The following TRPS1 variants were observed in gnomAD, a reference collection of about 807,000 sequenced individuals.
TRPS1 encodes zinc finger transcription factor Trps1.
A neutral mutation model predicts 101.2 loss-of-function variants in TRPS1; 6 were observed. The observed-to-expected ratio is 0.06, with a 90% CI of 0.03 to 0.12. The LOEUF is 0.12. Among genes scored for constraint, TRPS1 ranks in the 10% least tolerant of loss-of-function variants. The pLI is 1.00. For synonymous variants in TRPS1, 578 were observed against 589.8 expected (o/e 0.98, Z 0.29); for missense variants, 1,363 against 1,567.0 (o/e 0.87, Z 2.20).
chr8:115,596,661 CATAT>C (rs888512691), intron 4 of TRPS1, among the ~76,000 whole-genome samples: 45 of 151,478 alleles, frequency 3.0e-4, no homozygotes, highest in Admixed American at 8.5e-4. Context: ...GTATCATATA[CATAT>C]ATACTTATAT....
intron 5 of TRPS1, among the ~76,000 whole-genome samples, chr8:115,450,776 TA>T (rs1203622933): frequency 6.6e-6 from 1 of 152,160 alleles, no homozygotes; most frequent in African/African-American, 2.4e-5. Context: ...TCTTCCTCAA[TA>T]AAAACAAATT....
chr8:115,664,822 C>T (rs1811884747), intron 1 of TRPS1, among the ~76,000 whole-genome samples: 1 of 152,138 alleles, frequency 6.6e-6, no homozygotes, highest in Non-Finnish European at 1.5e-5. Context: ...ACCACACTAG[C>T]TGTCCTGCGG....
intron 5 of TRPS1, among the ~76,000 whole-genome samples, chr8:115,500,838 G>A (rs2130144121): frequency 6.6e-6 from 1 of 152,268 alleles, no homozygotes; most frequent in South Asian, 2.1e-4. Flanking sequence ...CTCCCAAAGT[G>A]CTAGGATTAT....
intron 1 of TRPS1, among the ~76,000 whole-genome samples, chr8:115,643,213 T>G (rs1310309163): frequency 1.3e-5 from 2 of 152,168 alleles, no homozygotes; most frequent in Non-Finnish European, 2.9e-5. Flanking sequence ...TGGGGGTGTC[T>G]ATGGCAATTT....
At chr8:115,608,417 C>A (rs1376312255) in intron 3 of TRPS1, among the ~76,000 whole-genome samples, 2 of 152,192 alleles carry the variant, frequency 1.3e-5, no homozygotes, top group African/African-American at 4.8e-5. Flanking sequence ...AAGAGGTAGA[C>A]AACATCTCTG....
intron 5 of TRPS1, among the ~76,000 whole-genome samples, chr8:115,561,040 A>G (rs542571060): frequency 1.2e-4 from 19 of 152,286 alleles, no homozygotes; most frequent in African/African-American, 4.6e-4. Flanking sequence ...GAACATTAAC[A>G]TTAATCATGG....
At chr8:115,628,531 A>T (rs1296017279) in intron 1 of TRPS1, among the ~76,000 whole-genome samples, 1 of 151,742 alleles carries the variant, frequency 6.6e-6, no homozygotes. Flanking sequence ...ATATACTTGA[A>T]AGCAACTTCT....
chr8:115,428,658 C>T (rs1330427840), intron 5 of TRPS1, among the ~76,000 whole-genome samples: 1 of 152,160 alleles, frequency 6.6e-6, no homozygotes, highest in Non-Finnish European at 1.5e-5. Flanking sequence ...GGATTAAATA[C>T]TTCACAGACT....
chr8:115,601,277 T>C (rs912743621), intron 4 of TRPS1, among the ~76,000 whole-genome samples: 1 of 152,178 alleles, frequency 6.6e-6, no homozygotes, highest in Non-Finnish European at 1.5e-5. Flanking sequence ...GTAAACAAAT[T>C]AAATTATAAA....
chr8:115,541,121 C>T (rs974600429), intron 5 of TRPS1, among the ~76,000 whole-genome samples: 15 of 152,086 alleles, frequency 9.9e-5, no homozygotes, highest in African/African-American at 2.2e-4. Flanking sequence ...TCTTGGTGAA[C>T]GTACAGGTCA....
At chr8:115,481,635 C>A (rs1213390365) in intron 5 of TRPS1, among the ~76,000 whole-genome samples, 1 of 152,104 alleles carries the variant, frequency 6.6e-6, no homozygotes, top group East Asian at 1.9e-4. Context: ...TGAAGAAGCT[C>A]CTGTCTGCTC....
intron 5 of TRPS1, among the ~76,000 whole-genome samples, chr8:115,449,168 A>G (rs1443075064): frequency 1.3e-5 from 2 of 152,200 alleles, no homozygotes; most frequent in African/African-American, 4.8e-5. Flanking sequence ...AAAATATTTC[A>G]GTTACTTTAG....
At chr8:115,533,449 T>TTTTTG (rs1563580789) in intron 5 of TRPS1, among the ~76,000 whole-genome samples, 1 of 123,322 alleles carries the variant, frequency 8.1e-6, no homozygotes, top group African/African-American at 4.1e-5. Context: ...TTTTTTTTTT[T>TTTTTG]TTTTTTTTTT....
intron 5 of TRPS1, among the ~76,000 whole-genome samples, chr8:115,539,655 T>C (rs529866538): frequency 1.3e-5 from 2 of 151,954 alleles, no homozygotes; most frequent in African/African-American, 2.4e-5. Context: ...CTGGACAACA[T>C]GGCAAAATCC....
rs139210527 is a variant in TRPS1 at position 115,429,423 on chromosome 8, T to C, written c.2701-10971A>G. ...CACCAGATTAGCTCAAGGTAATACATTGTCTTGGGTAGGAAACTGCACTCA... is the reference window on the plus strand; with the variant it reads ...CACCAGATTAGCTCAAGGTAATACACTGTCTTGGGTAGGAAACTGCACTCA... On this transcript the variant is annotated intron_variant, in intron 5 of 6. Coordinates refer to ENST00000395715, the MANE Select transcript of TRPS1 (RefSeq NM_014112.5). 7.2e-5 allele frequency among the ~76,000 whole-genome samples: 11 copies of C among 152,296 alleles called. No homozygotes were observed. The East Asian group carries it at 1.5e-3, about 21-fold the overall frequency.
At chr8:115,482,205 CA>C (rs1317653051) in intron 5 of TRPS1, among the ~76,000 whole-genome samples, 1 of 152,074 alleles carries the variant, frequency 6.6e-6, no homozygotes, top group Non-Finnish European at 1.5e-5. Flanking sequence ...ACCATTCATT[CA>C]ATGAGGGCAA....
intron 5 of TRPS1, among the ~76,000 whole-genome samples, chr8:115,485,987 C>A (rs998808024): frequency 1.3e-5 from 2 of 152,220 alleles, no homozygotes; most frequent in African/African-American, 4.8e-5. Context: ...TACATAGTGA[C>A]AGGCATACTT....
At chr8:115,592,211 A>G (rs1817693449) in intron 4 of TRPS1, among the ~76,000 whole-genome samples, 1 of 152,186 alleles carries the variant, frequency 6.6e-6, no homozygotes, top group Non-Finnish European at 1.5e-5. Flanking sequence ...ACTGAACCAG[A>G]ATATCCTGGG....
intron 5 of TRPS1, among the ~76,000 whole-genome samples, chr8:115,451,228 C>A (rs541230318): frequency 2.6e-5 from 4 of 152,130 alleles, no homozygotes; most frequent in Non-Finnish European, 5.9e-5. Context: ...GTGTTCCTAC[C>A]ACTTCTGAAT....
Sources: gnomAD v4.1 joint callset for allele counts (sites outside exome capture counted in the v4.1 genomes callset) on GRCh38, gnomAD v4.1.1 for gene constraint, MANE v1.5 for transcripts, NCBI Gene and HGNC (gene_info 2026-07-23, HGNC 2026-07-21) for gene names.